PSMD1: variants seen among roughly 807,000 people sequenced by gnomAD.
PSMD1 encodes proteasome 26S subunit, non-ATPase 1.
A neutral mutation model predicts 119.0 loss-of-function variants in PSMD1; 18 were observed. The ratio of observed to expected loss-of-function variants is 0.15; its 90% CI spans 0.10 to 0.22. PSMD1 has a LOEUF of 0.22. PSMD1 is among the 10% of genes least tolerant of loss of function. The pLI is 1.00. For missense variants in PSMD1, 702 were observed against 1,158.5 expected (o/e 0.61, Z 5.72); for synonymous variants, 374 against 396.6 (o/e 0.94, Z 0.68).
At chr2:231,057,067 T>C in intron 1 of PSMD1, 26 bp downstream of exon 1, 1 of 1,501,318 alleles carries the variant, frequency 6.7e-7, no homozygotes, top group Non-Finnish European at 8.9e-7. Flanking sequence ...AGCCAGCGCC[T>C]GGAGGGAGGA....
chr2:231,121,532 G>A (rs936150135), intron 16 of PSMD1, among the ~76,000 whole-genome samples: 3 of 151,868 alleles, frequency 2.0e-5, no homozygotes, highest in African/African-American at 4.8e-5. Flanking sequence ...GGATATGTTG[G>A]GTACCAGCAT....
At chr2:231,099,061 C>G (rs79346883) in intron 16 of PSMD1, among the ~76,000 whole-genome samples, 3,377 of 152,026 alleles carry the variant, frequency 0.022, 135 homozygotes, top group African/African-American at 0.077. Flanking sequence ...AGGGTTATAA[C>G]GAGGAAGGAT....
intron 12 of PSMD1, among the ~76,000 whole-genome samples, chr2:231,082,336 G>C (rs1398701495): frequency 6.6e-6 from 1 of 152,174 alleles, no homozygotes; most frequent in African/African-American, 2.4e-5. Flanking sequence ...AAAGTGCCGG[G>C]ATTACAAGCA....
At chr2:231,068,289 T>C (rs1693954839) in intron 5 of PSMD1, among the ~76,000 whole-genome samples, 1 of 152,246 alleles carries the variant, frequency 6.6e-6, no homozygotes, top group Admixed American at 6.5e-5. Flanking sequence ...AATGAGTGAA[T>C]GAATGAATGG....
chr2:231,084,118 G>A (rs752851961), intron 14 of PSMD1, among the ~76,000 whole-genome samples: 16 of 152,204 alleles, frequency 1.1e-4, no homozygotes, highest in Non-Finnish European at 2.1e-4. Flanking sequence ...GGAGGCCGAG[G>A]CAGGTGGATC....
chr2:231,064,061 A>G (rs1693831993), intron 4 of PSMD1, among the ~76,000 whole-genome samples: 1 of 152,108 alleles, frequency 6.6e-6, no homozygotes, highest in Non-Finnish European at 1.5e-5. Context: ...TTTAAACTGG[A>G]CTGTTGGTAT....
chr2:231,075,682 C>A, intron 8 of PSMD1, 111 bp downstream of exon 8: 1 of 910,860 alleles, frequency 1.1e-6, no homozygotes, highest in Non-Finnish European at 1.6e-6. Context: ...CAGGCTCAAG[C>A]TTTCCTCCCA....
intron 16 of PSMD1, among the ~76,000 whole-genome samples, chr2:231,094,706 G>T (rs571951630): frequency 2.0e-5 from 3 of 152,292 alleles, no homozygotes; most frequent in African/African-American, 7.2e-5. Context: ...TAAAGCGTTG[G>T]GTATGGGGGA....
intron 18 of PSMD1, 44 bp downstream of exon 18, chr2:231,146,400 T>C: frequency 7.0e-7 from 1 of 1,434,544 alleles, no homozygotes; most frequent in South Asian, 1.2e-5. Flanking sequence ...TGGTTTGGTC[T>C]TTTCTTTAGT....
chr2:231,115,294 G>A (rs931566663), intron 16 of PSMD1, among the ~76,000 whole-genome samples: 1 of 152,032 alleles, frequency 6.6e-6, no homozygotes, highest in Admixed American at 6.6e-5. Context: ...TAGGATTTCA[G>A]TGAAAAATAT....
intron 16 of PSMD1, among the ~76,000 whole-genome samples, chr2:231,098,044 A>C (rs538509416): frequency 1.3e-5 from 2 of 152,332 alleles, no homozygotes; most frequent in South Asian, 4.1e-4. Flanking sequence ...CATGAATTGA[A>C]CTTAGTGTTG....
At chr2:231,065,545 C>T (rs544181895) in intron 4 of PSMD1, among the ~76,000 whole-genome samples, 19 of 151,794 alleles carry the variant, frequency 1.3e-4, no homozygotes, top group Non-Finnish European at 2.6e-4. Context: ...GTGATCCACC[C>T]GCCTCGGCCT....
intron 18 of PSMD1, among the ~76,000 whole-genome samples, chr2:231,148,936 T>C (rs975415162): frequency 6.6e-6 from 1 of 152,160 alleles, no homozygotes; most frequent in Non-Finnish European, 1.5e-5. Context: ...AATTGCAAGA[T>C]TGCAAAACCA....
chr2:231,168,725 G>A (rs751585637), intron 23 of PSMD1, among the ~76,000 whole-genome samples: 5 of 152,224 alleles, frequency 3.3e-5, no homozygotes, highest in Admixed American at 6.5e-5. Flanking sequence ...GATAGCAGAA[G>A]TATTAATAGC....
intron 16 of PSMD1, among the ~76,000 whole-genome samples, chr2:231,099,426 C>T (rs1311071051): frequency 1.3e-5 from 2 of 152,100 alleles, no homozygotes; most frequent in African/African-American, 4.8e-5. Flanking sequence ...AAGGTGGGTC[C>T]CTGAGTCCAA....
At chr2:231,154,724 C>A (rs1696448687) in intron 19 of PSMD1, among the ~76,000 whole-genome samples, 1 of 152,200 alleles carries the variant, frequency 6.6e-6, no homozygotes, top group Admixed American at 6.5e-5. Flanking sequence ...CCACCTCGAC[C>A]TTCTGAAGTG....
chr2:231,061,426 C>T, intron 2 of PSMD1, 116 bp downstream of exon 2: 2 of 815,598 alleles, frequency 2.5e-6, no homozygotes, highest in Non-Finnish European at 3.7e-6. Flanking sequence ...GGCTTGTACC[C>T]AGTTACTGTA....
At chr2:231,128,470 C>T (rs1574757546) in intron 16 of PSMD1, among the ~76,000 whole-genome samples, 1 of 152,196 alleles carries the variant, frequency 6.6e-6, no homozygotes, top group South Asian at 2.1e-4. Context: ...CTATTTCAAA[C>T]TTAATCTGTT....
intron 16 of PSMD1, among the ~76,000 whole-genome samples, chr2:231,130,432 G>C (rs1205335183): frequency 6.6e-6 from 1 of 152,058 alleles, no homozygotes; most frequent in East Asian, 1.9e-4. Context: ...CCTGTGACTT[G>C]ACCATTTCTC....
Sources: gnomAD v4.1 joint callset for allele counts (sites outside exome capture counted in the v4.1 genomes callset) on GRCh38, gnomAD v4.1.1 for gene constraint, MANE v1.5 for transcripts, NCBI Gene and HGNC (gene_info 2026-07-23, HGNC 2026-07-21) for gene names.